The following TOP2B variants were observed in gnomAD, a reference collection of about 807,000 sequenced individuals.
TOP2B encodes DNA topoisomerase II beta.
TOP2B carries 51 observed loss-of-function variants against 193.5 expected under a neutral mutation model. That is an observed-to-expected ratio of 0.26 (90% CI 0.21 to 0.33). The LOEUF (loss-of-function observed/expected upper bound fraction) is 0.33. TOP2B is among the 10% of genes least tolerant of loss of function. The probability of loss-of-function intolerance (pLI) is 1.00; values close to 1 mark genes in which losing one functional copy is unlikely to be tolerated. For missense variants in TOP2B, 1,378 were observed against 1,909.3 expected, an observed-to-expected ratio of 0.72 and a Z score of 5.19; for synonymous variants, 634 against 635.7, an observed-to-expected ratio of 1.00 and a Z score of 0.04.
intron 15 of TOP2B, among the ~76,000 whole-genome samples, chr3:25,627,990 G>C (rs1436780125): frequency 6.6e-6 from 1 of 150,910 alleles, no homozygotes; most frequent in Non-Finnish European, 1.5e-5. Context: ...GAACACATGA[G>C]GAAGAGAGCC....
At chr3:25,620,440 T>A (rs1444576940) in intron 22 of TOP2B, among the ~76,000 whole-genome samples, 1 of 152,130 alleles carries the variant, frequency 6.6e-6, no homozygotes, top group South Asian at 2.1e-4. Context: ...CTCCTTTTAT[T>A]TTAAATAAAT....
intron 28 of TOP2B, among the ~76,000 whole-genome samples, chr3:25,611,380 G>C (rs1424890291): frequency 3.3e-5 from 5 of 152,120 alleles, no homozygotes; most frequent in Non-Finnish European, 7.3e-5. Context: ...GAAGAGAAAG[G>C]CTACTCTGGT....
chr3:25,603,164 A>C (rs934841091), intron 33 of TOP2B, among the ~76,000 whole-genome samples: 7 of 152,200 alleles, frequency 4.6e-5, no homozygotes, highest in African/African-American at 1.7e-4. Context: ...TTCAGGAAGT[A>C]ATACGGCTCC....
chr3:25,624,863 G>C, intron 18 of TOP2B, 60 bp from the exon 19 acceptor site: 1 of 1,509,124 alleles, frequency 6.6e-7, no homozygotes, highest in Non-Finnish European at 8.9e-7. Context: ...ACAATTCAGG[G>C]GAATAAAGCA....
chr3:25,629,902 A>T, intron 13 of TOP2B, 127 bp downstream of exon 13: 3 of 1,058,324 alleles, frequency 2.8e-6, no homozygotes, highest in Non-Finnish European at 2.6e-6. Context: ...TGGTTTTTTC[A>T]TTTTTTCCTC....
At chr3:25,660,811 T>C (rs1267218282) in intron 1 of TOP2B, among the ~76,000 whole-genome samples, 10 of 152,146 alleles carry the variant, frequency 6.6e-5, no homozygotes, top group Admixed American at 5.9e-4. Flanking sequence ...TCCAAAAATA[T>C]GTTATATATT....
intron 1 of TOP2B, among the ~76,000 whole-genome samples, chr3:25,662,503 T>A (rs1703946630): frequency 6.6e-6 from 1 of 152,240 alleles, no homozygotes; most frequent in Non-Finnish European, 1.5e-5. Flanking sequence ...CTTCTCTTTA[T>A]TTTACTGCAT....
intron 34 of TOP2B, among the ~76,000 whole-genome samples, chr3:25,599,979 T>C (rs1702049581): frequency 6.6e-6 from 1 of 152,196 alleles, no homozygotes; most frequent in African/African-American, 2.4e-5. Flanking sequence ...AGTAACACAT[T>C]ATTATAAAGG....
At chr3:25,621,747 G>C (rs73051968) in intron 21 of TOP2B, among the ~76,000 whole-genome samples, 20,114 of 152,044 alleles carry the variant, frequency 0.13, 1,650 homozygotes, top group East Asian at 0.19. Context: ...CCAGCACTTT[G>C]GGAGGCCAAA....
intron 1 of TOP2B, among the ~76,000 whole-genome samples, chr3:25,660,441 A>G (rs757722796): frequency 6.6e-6 from 1 of 152,224 alleles, no homozygotes; most frequent in Non-Finnish European, 1.5e-5. Context: ...CAAACATTCA[A>G]TGAAAGAAAA....
intron 1 of TOP2B, among the ~76,000 whole-genome samples, chr3:25,653,612 T>C (rs1559509942): frequency 6.6e-6 from 1 of 152,060 alleles, no homozygotes; most frequent in African/African-American, 2.4e-5. Context: ...AAATTTCTTC[T>C]AGAGACAAGG....
At chr3:25,637,977 T>G (rs939575420) in intron 5 of TOP2B, among the ~76,000 whole-genome samples, 188 bp downstream of exon 5, 1 of 151,944 alleles carries the variant, frequency 6.6e-6, no homozygotes, top group Non-Finnish European at 1.5e-5. Context: ...GTCAATGTAC[T>G]ATCAGTCTTA....
intron 1 of TOP2B, among the ~76,000 whole-genome samples, chr3:25,659,671 A>C (rs1703853056): frequency 2.0e-5 from 3 of 152,354 alleles, no homozygotes; most frequent in South Asian, 4.1e-4. Flanking sequence ...GCATTATGCT[A>C]TACTAAGTAC....
chr3:25,628,413 C>T (rs570392761), intron 15 of TOP2B, among the ~76,000 whole-genome samples: 9 of 151,242 alleles, frequency 6.0e-5, no homozygotes, highest in African/African-American at 1.5e-4. Flanking sequence ...AAAGTCAAGG[C>T]GGCAGTGAGC....
At chr3:25,600,669 A>T (rs1045688404) in intron 34 of TOP2B, among the ~76,000 whole-genome samples, 3 of 152,218 alleles carry the variant, frequency 2.0e-5, no homozygotes, top group Admixed American at 6.5e-5. Context: ...GATGCCATGG[A>T]GAACTGGTGC....
intron 34 of TOP2B, 39 bp from the exon 35 acceptor site, chr3:25,599,568 G>C: frequency 6.4e-7 from 1 of 1,559,810 alleles, no homozygotes; most frequent in South Asian, 1.2e-5. Flanking sequence ...CCGTGGTTAA[G>C]TGCAATATAA....
At chr3:25,629,545 T>G (rs542954137) in intron 13 of TOP2B, among the ~76,000 whole-genome samples, 3 of 152,118 alleles carry the variant, frequency 2.0e-5, no homozygotes, top group Non-Finnish European at 2.9e-5. Flanking sequence ...CTTAAAACTA[T>G]ATATTAATAG....
intron 21 of TOP2B, 39 bp from the exon 22 acceptor site, chr3:25,620,855 G>C (rs1248735639): frequency 1.9e-6 from 3 of 1,602,056 alleles, no homozygotes; most frequent in Non-Finnish European, 2.6e-6. Flanking sequence ...CTTCTCTCTT[G>C]AGTACCAGTA....
At chr3:25,649,969 A>G (rs1370977327) in intron 1 of TOP2B, among the ~76,000 whole-genome samples, 1 of 152,202 alleles carries the variant, frequency 6.6e-6, no homozygotes, top group African/African-American at 2.4e-5. Context: ...CTCAACTCTG[A>G]AGAACCAAGG....
Sources: allele counts gnomAD v4.1 joint callset (sites outside exome capture counted in the v4.1 genomes callset), GRCh38; gene constraint gnomAD v4.1.1; transcripts MANE v1.5; gene names NCBI Gene and HGNC (gene_info 2026-07-23, HGNC 2026-07-21).